Variants in SMG6 observed in about 807,000 individuals in gnomAD.
The protein encoded by SMG6 is telomerase-binding protein EST1A.
In SMG6, 66 loss-of-function variants were observed where a neutral mutation model predicts 142.2. That is an observed-to-expected ratio of 0.46 (90% confidence interval 0.38 to 0.57). The LOEUF (loss-of-function observed/expected upper bound fraction) is 0.57. Ranked by LOEUF, SMG6 falls within the 20% of genes least tolerant of loss-of-function variation. The probability of loss-of-function intolerance (pLI) is 0.00; values close to 1 mark genes in which losing one functional copy is unlikely to be tolerated. For missense variants in SMG6, 1,793 were observed against 1,832.0 expected (o/e 0.98, Z 0.39); for synonymous variants, 779 against 702.4 (o/e 1.11, Z -1.72).
At chr17:2,075,711 G>A (rs77413851) in intron 15 of SMG6, among the ~76,000 whole-genome samples, 1,608 of 152,330 alleles carry the variant, frequency 0.011, 32 homozygotes, top group African/African-American at 0.037. Flanking sequence ...ATGGCAATGG[G>A]AACAAAAAGA....
rs1473756306 is a variant in SMG6 at position 2,300,270 on chromosome 17, A to G, written c.483T>C (p.Ser161=). 4 of 1,613,960 alleles carry G rather than the reference A, an allele frequency of 2.5e-6. No individual in the cohort carries two copies. In the South Asian group the frequency reaches 4.4e-5, roughly 18 times the overall value. ...TGAGGACTTCTTCCTCCTCCACCCGACTGGCGGATTCTTTGCTAACAGTCT... is the reference window on the plus strand; with the variant it reads ...TGAGGACTTCTTCCTCCTCCACCCGGCTGGCGGATTCTTTGCTAACAGTCT... ...RLQTVSKESA[S]RVEEEEVLNQ... Residue 161 remains serine (S), a synonymous_variant, in exon 2 of 19, where the codon AGT becomes AGC. Coordinates refer to ENST00000263073, the MANE Select transcript of SMG6 (RefSeq NM_017575.5).
chr17:2,253,684 A>G (rs1484872813), intron 8 of SMG6, among the ~76,000 whole-genome samples: 1 of 152,186 alleles, frequency 6.6e-6, no homozygotes, highest in Non-Finnish European at 1.5e-5. Context: ...ACCAATTTTC[A>G]GTATTTCTCC....
intron 11 of SMG6, among the ~76,000 whole-genome samples, chr17:2,187,509 G>C (rs78853566): frequency 0.022 from 3,279 of 152,262 alleles, 64 homozygotes; most frequent in South Asian, 0.066. Context: ...TAGGAATATA[G>C]AGTCAAGTAT....
rs556749082 is a variant in SMG6, at chr17:2,128,252, G to A, written c.3358-42351C>T. 3.2e-3 allele frequency among the ~76,000 whole-genome samples: 480 copies of A among 152,318 alleles called. 3 individuals carry two copies. The highest frequency in any genetic ancestry group is 5.3e-3 in the Non-Finnish European group (362 of 68,026). ...CCCCAGGCTGCCGGCACGGAGCAGC[G>A]GCGGTCAAGTGCAGGGAGGGCACGA... On this transcript the variant is annotated intron_variant, in intron 13 of 18. Transcript: ENST00000263073.
intron 13 of SMG6, among the ~76,000 whole-genome samples, chr17:2,144,931 G>T (rs1365205559): frequency 6.6e-6 from 1 of 152,086 alleles, no homozygotes; most frequent in Admixed American, 6.6e-5. Context: ...AGTTTTTAGT[G>T]AGTAAGCCCA....
intron 18 of SMG6, chr17:2,062,462 G>A (rs1312055446): frequency 6.6e-6 from 1 of 151,684 alleles, no homozygotes; most frequent in African/African-American, 2.4e-5. Flanking sequence ...AAAAGGTCTT[G>A]CTATAGTGGC....
At chr17:2,268,057 A>AT (rs1487336077) in intron 8 of SMG6, among the ~76,000 whole-genome samples, 2 of 151,780 alleles carry the variant, frequency 1.3e-5, no homozygotes, top group African/African-American at 4.8e-5. Context: ...TTATTTATGT[A>AT]TTTTTTAAGT....
chr17:2,113,583 C>T (rs1434158383), intron 13 of SMG6, among the ~76,000 whole-genome samples: 2 of 152,218 alleles, frequency 1.3e-5, no homozygotes, highest in Non-Finnish European at 2.9e-5. Flanking sequence ...TCTTACACAG[C>T]TGCCAAGTGA....
chr17:2,114,419 G>A (rs989710221), intron 13 of SMG6, among the ~76,000 whole-genome samples: 1 of 152,086 alleles, frequency 6.6e-6, no homozygotes, highest in African/African-American at 2.4e-5. Flanking sequence ...AATGAAGAAA[G>A]CATCCATCAG....
chr17:2,260,326 C>T (rs558688393), intron 8 of SMG6, among the ~76,000 whole-genome samples: 1 of 152,174 alleles, frequency 6.6e-6, no homozygotes, highest in Non-Finnish European at 1.5e-5. Flanking sequence ...GTCACTTTCC[C>T]CCCCCACAGC....
chr17:2,202,388 GA>G (rs1271465265), intron 10 of SMG6, among the ~76,000 whole-genome samples: 1 of 151,858 alleles, frequency 6.6e-6, no homozygotes, highest in Non-Finnish European at 1.5e-5. Flanking sequence ...ACCTCTAGCA[GA>G]AAAAAATAAA....
intron 12 of SMG6, among the ~76,000 whole-genome samples, chr17:2,185,594 A>AATACACAAATGCTCTCTGCT (rs2071954602): frequency 6.6e-6 from 1 of 152,156 alleles, no homozygotes; most frequent in Admixed American, 6.5e-5. Context: ...CCCCGCCCCC[A>AATACACAAATGCTCTCTGCT]ATACACAAAT....
intron 17 of SMG6, 67 bp from the exon 18 acceptor site, chr17:2,065,221 G>C: frequency 2.6e-4 from 307 of 1,194,976 alleles, no homozygotes; most frequent in Non-Finnish European, 3.4e-4. Context: ...GAGGAGGAGG[G>C]ATCCTCTGCC....
At chr17:2,183,180 C>T (rs1396550364) in intron 12 of SMG6, among the ~76,000 whole-genome samples, 5 of 151,356 alleles carry the variant, frequency 3.3e-5, no homozygotes, top group African/African-American at 7.3e-5. Context: ...GAGCTGTGAT[C>T]GTGCCACTGC....
At chr17:2,135,414 C>G (rs1442196514) in intron 13 of SMG6, among the ~76,000 whole-genome samples, 2 of 152,124 alleles carry the variant, frequency 1.3e-5, no homozygotes, top group Admixed American at 1.3e-4. Context: ...CAAGAACCTA[C>G]TCCTCTTGTC....
Position 2,230,338 on chromosome 17 carries a change from G to GAAAAAA in SMG6, c.2869+6153_2869+6154insTTTTTT, listed in dbSNP as rs2073452742. Among the ~76,000 whole-genome samples, 6 of 10,584 alleles carry GAAAAAA rather than the reference G, an allele frequency of 5.7e-4. 2 individuals are homozygous for GAAAAAA. The highest frequency in any genetic ancestry group is 9.3e-4 in the Non-Finnish European group (5 of 5,386). The allele number at this position is 10,584 out of a possible 152,430, so 6.9% of individuals were successfully genotyped here. On this transcript the variant is annotated intron_variant, in intron 10 of 18. Transcript: ENST00000263073. ...AAAAAAAAAAAAAAAAAAAAAAAAGGGAAAACCACAAACAATCAAATTGAC... is the reference window on the plus strand; with the variant it reads ...AAAAAAAAAAAAAAAAAAAAAAAAGGAAAAAAGAAAACCACAAACAATCAAATTGAC...
At chr17:2,267,886 T>C (rs971060297) in intron 8 of SMG6, among the ~76,000 whole-genome samples, 4 of 151,880 alleles carry the variant, frequency 2.6e-5, no homozygotes, top group Admixed American at 2.6e-4. Context: ...TAGATGGGAC[T>C]ACAGGCGCCT....
chr17:2,088,414 G>C, intron 13 of SMG6: 11 of 985,394 alleles, frequency 1.1e-5, no homozygotes, highest in Non-Finnish European at 1.3e-5. Flanking sequence ...AAGCAACGAG[G>C]AGTAGCCCTC....
At chr17:2,138,874 T>A (rs751214051) in intron 13 of SMG6, among the ~76,000 whole-genome samples, 4 of 152,222 alleles carry the variant, frequency 2.6e-5, no homozygotes, top group Non-Finnish European at 5.9e-5. Flanking sequence ...TGTCAAAGGA[T>A]AAAGCAATTT....
Sources: gnomAD v4.1 joint callset for allele counts (sites outside exome capture counted in the v4.1 genomes callset) on GRCh38, gnomAD v4.1.1 for gene constraint, MANE v1.5 for transcripts, NCBI Gene and HGNC (gene_info 2026-07-23, HGNC 2026-07-21) for gene names.